The following NRG1 variants were observed in gnomAD, a reference collection of about 807,000 sequenced individuals.
NRG1 encodes the protein neuregulin 1, also known as pro-neuregulin-1, membrane-bound isoform.
Under a neutral mutation model 63.8 loss-of-function variants are expected in NRG1, and 18 were observed. The observed-to-expected ratio is 0.28, with a 90% confidence interval of 0.19 to 0.42. NRG1 has a LOEUF of 0.42. Among genes scored for constraint, NRG1 ranks in the 10% least tolerant of loss-of-function variants. NRG1 has a pLI of 1.00. For synonymous variants in NRG1, 302 were observed against 301.3 expected (o/e 1.00, Z -0.02); for missense variants, 762 against 814.7 (o/e 0.94, Z 0.79).
intron 1 of NRG1, among the ~76,000 whole-genome samples, chr8:32,122,305 G>A (rs1269180827): frequency 1.3e-5 from 2 of 151,944 alleles, no homozygotes; most frequent in Non-Finnish European, 2.9e-5. Context: ...GCTCCCAAAA[G>A]GGGGTCTTTG....
At chr8:31,939,514 A>C (rs1237053296) in intron 1 of NRG1, among the ~76,000 whole-genome samples, 1 of 152,022 alleles carries the variant, frequency 6.6e-6, no homozygotes, top group Non-Finnish European at 1.5e-5. Flanking sequence ...AAAAAAAAAA[A>C]CCCAACTTAT....
chr8:32,504,367 T>TATC (rs1455237124), intron 1 of NRG1, among the ~76,000 whole-genome samples: 2 of 152,246 alleles, frequency 1.3e-5, no homozygotes, highest in African/African-American at 4.8e-5. Flanking sequence ...TACCAAAGAT[T>TATC]ATCTTATATC....
intron 1 of NRG1, among the ~76,000 whole-genome samples, chr8:31,986,549 A>G (rs1381608375): frequency 1.3e-5 from 2 of 152,144 alleles, no homozygotes; most frequent in Admixed American, 6.6e-5. Flanking sequence ...ATTGGAGACA[A>G]TGGAGCATGA....
chr8:32,219,602 C>A (rs966992263), intron 1 of NRG1, among the ~76,000 whole-genome samples: 5 of 152,128 alleles, frequency 3.3e-5, no homozygotes, highest in African/African-American at 9.7e-5. Flanking sequence ...TTTGGGAGCA[C>A]CTTAAGATGC....
chr8:32,331,741 G>A (rs1029587795), intron 1 of NRG1, among the ~76,000 whole-genome samples: 7 of 152,132 alleles, frequency 4.6e-5, no homozygotes, highest in Non-Finnish European at 7.3e-5. Flanking sequence ...GGACAGTGGC[G>A]TGTGATTAAG....
At chr8:32,133,056 C>G (rs1439060019) in intron 1 of NRG1, among the ~76,000 whole-genome samples, 1 of 151,630 alleles carries the variant, frequency 6.6e-6, no homozygotes, top group Non-Finnish European at 1.5e-5. Context: ...GTTCTAAAAG[C>G]TAGGAAGTTT....
At chr8:31,701,356 AAATC>A (rs1810611066) in intron 1 of NRG1, among the ~76,000 whole-genome samples, 1 of 152,184 alleles carries the variant, frequency 6.6e-6, no homozygotes, top group Non-Finnish European at 1.5e-5. Context: ...TCTAAATCCC[AAATC>A]AATCTGACAA....
In NRG1 at chr8:32,742,616, A is replaced by T; in HGVS notation, c.633-59A>T. On this transcript the variant is annotated intron_variant, in intron 6 of 11. Transcript: ENST00000356819. The surrounding 1 kb of genome is among the most constrained non-coding windows in gnomAD (Gnocchi z 4.2). ...CTGAAGGAGCTTCTTTCTAGCATAT[A>T]TTCACCTCTTCTCTTTTTCTCTGTT... 13 of 1,353,808 alleles carry T rather than the reference A, an allele frequency of 9.6e-6. No homozygotes were observed. The highest frequency in any genetic ancestry group is 1.3e-5 in the Non-Finnish European group (12 of 947,246). The allele number at this position is 1,353,808 out of a possible 1,614,324, so 83.9% of individuals were successfully genotyped here.
intron 5 of NRG1, among the ~76,000 whole-genome samples, chr8:32,645,851 A>G (rs992786962): frequency 6.6e-6 from 1 of 152,206 alleles, no homozygotes; most frequent in Admixed American, 6.5e-5. Context: ...TATTAAGAAC[A>G]GTGCATTTCT....
intron 1 of NRG1, among the ~76,000 whole-genome samples, chr8:32,565,108 A>G (rs1235520500): frequency 6.6e-6 from 1 of 152,032 alleles, no homozygotes; most frequent in East Asian, 1.9e-4. Flanking sequence ...TTTTGAAGTT[A>G]TGGCATTTAA....
Position 31,845,605 on chromosome 8 carries a change from C to T in NRG1, c.37+206174C>T, listed in dbSNP as rs562838093. 3.3e-5 allele frequency among the ~76,000 whole-genome samples: 5 copies of T among 151,864 alleles called. No homozygotes were observed. The East Asian group carries it at 5.8e-4, about 18-fold the overall frequency. On this transcript the variant is annotated intron_variant, in intron 1 of 10. Coordinates refer to the NRG1 transcript ENST00000519301. ...AAGCATCATGAATTTAGGAGACTGG[C>T]GTTTTTTTTTACATAAAAGTTGCTT...
At chr8:31,894,883 A>G (rs1477964033) in intron 1 of NRG1, among the ~76,000 whole-genome samples, 3 of 151,916 alleles carry the variant, frequency 2.0e-5, no homozygotes, top group Admixed American at 2.0e-4. Flanking sequence ...TGTTCTGGAC[A>G]CTCCAAATTT....
At chr8:31,760,370 C>A (rs1817410272) in intron 1 of NRG1, among the ~76,000 whole-genome samples, 1 of 152,222 alleles carries the variant, frequency 6.6e-6, no homozygotes, top group East Asian at 1.9e-4. Flanking sequence ...AGATATGCTA[C>A]CATTCAGGAC....
intron 1 of NRG1, among the ~76,000 whole-genome samples, chr8:32,038,900 G>A (rs1171425608): frequency 6.6e-6 from 1 of 151,958 alleles, no homozygotes; most frequent in Non-Finnish European, 1.5e-5. Flanking sequence ...CCAAGTGCCT[G>A]TTTTTTCTGT....
chr8:32,040,723 T>TATATGAAATTTAGGCGC (rs1554608415), intron 1 of NRG1, among the ~76,000 whole-genome samples: 5 of 106,458 alleles, frequency 4.7e-5, no homozygotes, highest in African/African-American at 1.7e-4. Flanking sequence ...TATATATATA[T>TATATGAAATTTAGGCGC]ATATATATAT....
chr8:31,941,497 C>T (rs1415132130), intron 1 of NRG1, among the ~76,000 whole-genome samples: 2 of 151,954 alleles, frequency 1.3e-5, no homozygotes, highest in African/African-American at 4.8e-5. Flanking sequence ...CAAGGATGCC[C>T]ACTTTCACCA....
chr8:32,174,575 A>G (rs1314242767), intron 1 of NRG1, among the ~76,000 whole-genome samples: 2 of 152,222 alleles, frequency 1.3e-5, no homozygotes, highest in African/African-American at 4.8e-5. Flanking sequence ...AACAAAATTG[A>G]TAGACCACTA....
At chr8:32,635,613 T>TA (rs1352723109) in intron 5 of NRG1, among the ~76,000 whole-genome samples, 2 of 152,182 alleles carry the variant, frequency 1.3e-5, no homozygotes, top group African/African-American at 4.8e-5. Context: ...CAGGTTATTG[T>TA]AAAACCACCT....
intron 1 of NRG1, among the ~76,000 whole-genome samples, chr8:32,329,169 A>T (rs185247049): frequency 5.9e-5 from 9 of 151,908 alleles, no homozygotes; most frequent in African/African-American, 2.2e-4. Context: ...GGTTTTCCCT[A>T]TGTTGCCCAG....
Sources: allele counts gnomAD v4.1 joint callset (sites outside exome capture counted in the v4.1 genomes callset), GRCh38; gene constraint gnomAD v4.1.1; non-coding constraint Gnocchi (gnomAD v3.1); transcripts MANE v1.5; gene names NCBI Gene and HGNC (gene_info 2026-07-23, HGNC 2026-07-21).